The following RAP1GAP2 variants were observed in gnomAD, a reference collection of about 807,000 sequenced individuals.
RAP1GAP2 encodes the protein rap1 GTPase-activating protein 2.
Under a neutral mutation model 95.0 loss-of-function variants are expected in RAP1GAP2, and 27 were observed. The observed-to-expected ratio is 0.28, with a 90% CI of 0.21 to 0.39. The LOEUF (loss-of-function observed/expected upper bound fraction) is 0.39, where lower values mean the gene tolerates loss of function less well. Ranked by LOEUF, RAP1GAP2 falls within the 10% of genes least tolerant of loss-of-function variation. The pLI is 1.00. For missense variants in RAP1GAP2, 771 were observed against 970.0 expected, an observed-to-expected ratio of 0.79 and a Z score of 2.72; for synonymous variants, 373 against 380.9, an observed-to-expected ratio of 0.98 and a Z score of 0.24.
intron 2 of RAP1GAP2, among the ~76,000 whole-genome samples, chr17:2,894,123 GA>G (rs34619704): frequency 0.18 from 26,381 of 144,474 alleles, 2,449 homozygotes; most frequent in Non-Finnish European, 0.2. Context: ...TAAAAATACA[GA>G]AAAAAAAAAA....
chr17:2,884,480 C>T (rs1454488861), intron 2 of RAP1GAP2, among the ~76,000 whole-genome samples: 1 of 148,828 alleles, frequency 6.7e-6, no homozygotes, highest in Non-Finnish European at 1.5e-5. Flanking sequence ...TCAAGCGATT[C>T]TCCTGCCTCA....
intron 2 of RAP1GAP2, among the ~76,000 whole-genome samples, chr17:2,821,675 A>G (rs1011855015): frequency 1.3e-5 from 2 of 152,122 alleles, no homozygotes; most frequent in African/African-American, 4.8e-5. Context: ...TGCCCCGCCA[A>G]GTGTGGTGTT....
At chr17:2,967,770 G>A (rs2044680792) in intron 8 of RAP1GAP2, among the ~76,000 whole-genome samples, 1 of 152,190 alleles carries the variant, frequency 6.6e-6, no homozygotes, top group Admixed American at 6.5e-5. Context: ...ATCCAGAGAT[G>A]AAATTCCCCT....
rs2070528311 is a variant in RAP1GAP2, at chr17:2,825,890, C to T, written c.80+25340C>T. ...TTCCTGGTGGAATGAGGGAAGGCTT[C>T]TTGAAGGAGGCGGCGCTGGAAGGTT... is the stretch of plus-strand genomic sequence containing the variant. On this transcript the variant is annotated intron_variant, in intron 2 of 24. Transcript: ENST00000254695. This position sits in a 1 kb window ranked among gnomAD's most constrained non-coding sequence, Gnocchi z 4.1. Among the ~76,000 whole-genome samples the T allele has an allele frequency of 6.6e-6, 1 of 151,898 alleles. No individual in the cohort carries two copies. The highest frequency in any genetic ancestry group is 2.4e-5 in the African/African-American group (1 of 41,358).
intron 1 of RAP1GAP2, among the ~76,000 whole-genome samples, chr17:2,787,804 T>C (rs2068825207): frequency 6.6e-6 from 1 of 152,022 alleles, no homozygotes; most frequent in Admixed American, 6.6e-5. Context: ...CCTGACCTCG[T>C]GATCTGCCCG....
intron 3 of RAP1GAP2, among the ~76,000 whole-genome samples, chr17:2,937,172 A>G (rs955762494): frequency 6.6e-6 from 1 of 152,144 alleles, no homozygotes; most frequent in Non-Finnish European, 1.5e-5. Flanking sequence ...GTAGGAGTCA[A>G]GCAAATAAAG....
intron 8 of RAP1GAP2, among the ~76,000 whole-genome samples, chr17:2,976,878 T>C (rs940754382): frequency 1.1e-4 from 17 of 151,994 alleles, no homozygotes; most frequent in Non-Finnish European, 1.9e-4. Flanking sequence ...CTCACGCCTG[T>C]AATCCCAGCA....
At chr17:2,953,913 A>G (rs1333260592) in intron 3 of RAP1GAP2, among the ~76,000 whole-genome samples, 1 of 152,328 alleles carries the variant, frequency 6.6e-6, no homozygotes, top group African/African-American at 2.4e-5. Context: ...GGAGCTGTGT[A>G]ACCACCATCA....
chr17:3,024,063 G>C (rs1161185403), intron 19 of RAP1GAP2, among the ~76,000 whole-genome samples: 1 of 152,186 alleles, frequency 6.6e-6, no homozygotes, highest in African/African-American at 2.4e-5. Flanking sequence ...GGAACCAATA[G>C]GGTAGAGGTA....
At chr17:2,928,420 G>A (rs536486570) in intron 3 of RAP1GAP2, among the ~76,000 whole-genome samples, 10 of 152,226 alleles carry the variant, frequency 6.6e-5, no homozygotes, top group African/African-American at 2.4e-4. Flanking sequence ...TCCTGACAAA[G>A]TGGACTGCCC....
intron 1 of RAP1GAP2, among the ~76,000 whole-genome samples, chr17:2,788,531 C>T (rs866766989): frequency 1.3e-5 from 2 of 152,170 alleles, no homozygotes; most frequent in Non-Finnish European, 2.9e-5. Flanking sequence ...CTCCTGACCT[C>T]AAGTGATCCA....
chr17:2,841,985 T>A (rs1358996669), intron 2 of RAP1GAP2, among the ~76,000 whole-genome samples: 1 of 152,198 alleles, frequency 6.6e-6, no homozygotes, highest in Non-Finnish European at 1.5e-5. Context: ...ACTGGCCCTG[T>A]GGCGTGCAAG....
intron 1 of RAP1GAP2, among the ~76,000 whole-genome samples, chr17:2,767,959 C>T (rs1464350349): frequency 6.6e-6 from 1 of 152,128 alleles, no homozygotes; most frequent in Non-Finnish European, 1.5e-5. Flanking sequence ...GTTTCAATCT[C>T]CTGACCTCGT....
chr17:2,957,006 T>C (rs2044135385), intron 3 of RAP1GAP2, among the ~76,000 whole-genome samples: 1 of 151,768 alleles, frequency 6.6e-6, no homozygotes, highest in Non-Finnish European at 1.5e-5. Flanking sequence ...CGGGCGCCTG[T>C]AGTTCCAGCT....
intron 1 of RAP1GAP2, among the ~76,000 whole-genome samples, chr17:2,761,540 G>A (rs2071249087): frequency 1.3e-5 from 2 of 151,884 alleles, no homozygotes; most frequent in South Asian, 2.1e-4. Context: ...TGCCCGCCTC[G>A]GCCTCCCAAC....
At chr17:2,790,818 C>G (rs1567650356) in intron 1 of RAP1GAP2, among the ~76,000 whole-genome samples, 1 of 152,240 alleles carries the variant, frequency 6.6e-6, no homozygotes, top group East Asian at 1.9e-4. Context: ...GGCCAGGGGA[C>G]ACAGTGGAGG....
chr17:2,843,008 G>A (rs987042802), intron 2 of RAP1GAP2, among the ~76,000 whole-genome samples: 3 of 152,114 alleles, frequency 2.0e-5, no homozygotes, highest in Non-Finnish European at 2.9e-5. Context: ...TGTGGGGTAG[G>A]GCGATGACTA....
At chr17:3,018,499 T>C (rs1232374042) in intron 18 of RAP1GAP2, among the ~76,000 whole-genome samples, 2 of 152,122 alleles carry the variant, frequency 1.3e-5, no homozygotes, top group Non-Finnish European at 2.9e-5. Context: ...AGCCCTGCAG[T>C]GTGGTCCTGG....
In RAP1GAP2 at chr17:3,027,170, C is replaced by T; in HGVS notation, c.2107+100C>T. 7.1e-7 allele frequency: 1 copy of T among 1,411,722 alleles called. No homozygotes were observed. The highest frequency in any genetic ancestry group is 2.6e-5 in the Admixed American group (1 of 39,116). 87.4% of individuals were successfully genotyped at this position (1,411,722 alleles called of 1,614,324 possible). ...CAGCCACGCTGAACTGGCCAGTTTT[C>T]ACCCCTCCTCCCAGCTGTGAGGCCC... On this transcript the variant is annotated intron_variant, in intron 22 of 24. Coordinates refer to ENST00000254695, the MANE Select transcript of RAP1GAP2 (RefSeq NM_015085.5). The surrounding 1 kb of genome is among the most constrained non-coding windows in gnomAD (Gnocchi z 5.2).
Sources: allele counts gnomAD v4.1 joint callset (sites outside exome capture counted in the v4.1 genomes callset), GRCh38; gene constraint gnomAD v4.1.1; non-coding constraint Gnocchi (gnomAD v3.1); transcripts MANE v1.5; gene names NCBI Gene and HGNC (gene_info 2026-07-23, HGNC 2026-07-21).